The following ZNF678 variants were observed in gnomAD, a reference collection of about 807,000 sequenced individuals.
ZNF678 encodes the protein hypothetical protein MGC42493.
A neutral mutation model predicts 3.0 loss-of-function variants in ZNF678; 5 were observed. The observed-to-expected ratio is 1.69, with a 90% CI of 0.88 to 3.56. The LOEUF is 3.56. Among genes scored for constraint, ZNF678 ranks in the 30% most tolerant of loss-of-function variants. The pLI is 0.00. For missense variants in ZNF678, 593 were observed against 605.0 expected, an observed-to-expected ratio of 0.98 and a Z score of 0.21; for synonymous variants, 218 against 199.6, an observed-to-expected ratio of 1.09 and a Z score of -0.78.
chr1:227,567,718 A>AT (rs1205417741), intron 1 of ZNF678, among the ~76,000 whole-genome samples: 2 of 147,314 alleles, frequency 1.4e-5, no homozygotes, highest in African/African-American at 5.0e-5. Flanking sequence ...TTATTTTTTT[A>AT]TTTTTTTTCC....
intron 1 of ZNF678, among the ~76,000 whole-genome samples, chr1:227,630,096 A>C (rs1658514126): frequency 2.6e-5 from 4 of 152,118 alleles, no homozygotes; most frequent in Admixed American, 2.0e-4. Flanking sequence ...TCTGCAGCTG[A>C]CTGAGTGATA....
At chr1:227,651,629 A>T (rs1333565154) in intron 3 of ZNF678, among the ~76,000 whole-genome samples, 1 of 152,240 alleles carries the variant, frequency 6.6e-6, no homozygotes, top group Non-Finnish European at 1.5e-5. Flanking sequence ...AGCCAAGACC[A>T]GCGTCCTCAA....
chr1:227,667,361 C>T (rs1659520891), downstream of ZNF678, among the ~76,000 whole-genome samples: 1 of 152,138 alleles, frequency 6.6e-6, no homozygotes, highest in African/African-American at 2.4e-5. Context: ...TAAAAAAGGT[C>T]TACTCTATAT....
At chr1:227,603,817 C>G (rs55978120) in intron 1 of ZNF678, among the ~76,000 whole-genome samples, 1 of 152,168 alleles carries the variant, frequency 6.6e-6, no homozygotes, top group East Asian at 1.9e-4. Flanking sequence ...ATTAACTCCC[C>G]CAAAACTTAA....
Position 227,654,677 on chromosome 1 carries a change from CAT to C in ZNF678, c.429_430del (p.His143GlnfsTer13). ...CAATCGATGTTCAAACCTAACAAAACATAAAAGAATTCATACTGGAGAGAAAC... is the reference window on the plus strand; with the variant it reads ...CAATCGATGTTCAAACCTAACAAAACAAAAGAATTCATACTGGAGAGAAAC... ...VFNRCSNLTKHKRIHTGEKPY... is the reference protein window; with the variant it reads ...VFNRCSNLTKXKRIHTGEKPY... On this transcript the variant is annotated frameshift_variant, in exon 4 of 4. Coordinates refer to ENST00000343776, the MANE Select transcript of ZNF678 (RefSeq NM_001367909.1). LOFTEE classifies it low-confidence loss of function (END_TRUNC). The C allele has an allele frequency of 6.2e-7, 1 of 1,613,128 alleles. No individual in the cohort carries two copies. Among genetic ancestry groups the C allele is most frequent in the Middle Eastern group, 1.7e-4 (1 of 6,058 alleles).
At chr1:227,591,393 A>T (rs891341786) in intron 1 of ZNF678, among the ~76,000 whole-genome samples, 4 of 152,176 alleles carry the variant, frequency 2.6e-5, no homozygotes, top group Admixed American at 2.6e-4. Flanking sequence ...AAGTAGCCTA[A>T]ATGACACAAG....
At chr1:227,563,803 C>A (rs917828057) in intron 1 of ZNF678, 79 bp downstream of exon 1, 1 of 1,249,752 alleles carries the variant, frequency 8.0e-7, no homozygotes, top group African/African-American at 1.5e-5. Flanking sequence ...GCCCGGAGTC[C>A]CGGCTGGCAC....
intron 1 of ZNF678, among the ~76,000 whole-genome samples, chr1:227,643,353 C>G (rs563162081): frequency 1.8e-4 from 28 of 152,296 alleles, no homozygotes; most frequent in African/African-American, 6.0e-4. Context: ...TAATTGAAAT[C>G]ACACAAACTG....
intron 1 of ZNF678, among the ~76,000 whole-genome samples, chr1:227,608,497 CAT>C (rs1388365605): frequency 2.6e-5 from 4 of 152,032 alleles, no homozygotes; most frequent in South Asian, 2.1e-4. Context: ...TTCTTAAACA[CAT>C]AAAATTATTT....
intron 1 of ZNF678, among the ~76,000 whole-genome samples, chr1:227,611,518 A>G (rs1433308254): frequency 3.3e-5 from 5 of 152,184 alleles, no homozygotes; most frequent in Non-Finnish European, 7.3e-5. Flanking sequence ...TCTAAGATGC[A>G]TTTATCAGGC....
At position 227,638,694 on chromosome 1, in the gene ZNF678, G is replaced by T. The variant is rs1157780091; in HGVS notation, c.-163-7850G>T. The stretch of plus-strand genomic sequence containing the variant: ...GTACTATGGGAAATGTGGAAGTAGG[G>T]AGTAATGTGGAGTTTTGAAAGGATG... On this transcript the variant is annotated intron_variant, in intron 1 of 3. Coordinates refer to ENST00000343776, the MANE Select transcript of ZNF678 (RefSeq NM_001367909.1). The surrounding 1 kb of genome is among the most constrained non-coding windows in gnomAD (Gnocchi z 4.2). Among the ~76,000 whole-genome samples, 1 of 152,122 alleles carries T rather than the reference G, an allele frequency of 6.6e-6. No individual in the cohort carries two copies. Among genetic ancestry groups the T allele is most frequent in the African/African-American group, 2.4e-5 (1 of 41,414 alleles).
chr1:227,612,276 C>G (rs1658039524), intron 1 of ZNF678, among the ~76,000 whole-genome samples: 1 of 152,146 alleles, frequency 6.6e-6, no homozygotes, highest in South Asian at 2.1e-4. Context: ...AGTGAGGGCC[C>G]TTCTTATCTC....
chr1:227,651,144 A>T (rs1250165990), intron 3 of ZNF678, 68 bp downstream of exon 3: 9 of 1,561,740 alleles, frequency 5.8e-6, no homozygotes, highest in Non-Finnish European at 7.8e-6. Context: ...TAGAGAGGGG[A>T]TATACCTGAG....
At position 227,573,784 on chromosome 1, in the gene ZNF678, A is replaced by G. The variant is rs147674314; in HGVS notation, c.-164+10060A>G. On this transcript the variant is annotated intron_variant, in intron 1 of 3. Transcript: ENST00000343776. Reference sequence around the variant, plus strand: ...ATTTCATCATCCAGGTATTAAGCCTAGTATTCATTAGTTATTTTTTCTGAT... The same window carrying G: ...ATTTCATCATCCAGGTATTAAGCCTGGTATTCATTAGTTATTTTTTCTGAT... Among the ~76,000 whole-genome samples, 5 of 146,246 alleles carry G rather than the reference A, an allele frequency of 3.4e-5. No individual in the cohort carries two copies. The East Asian group carries it at 5.9e-4, about 17-fold the overall frequency.
At position 227,637,141 on chromosome 1, in the gene ZNF678, G is replaced by A. The variant is rs79275604; in HGVS notation, c.-163-9403G>A. Reference sequence around the variant, plus strand: ...AACCAAGTAGAGGAGGCATCTGGAAGGGGTTGGTCTTAGGTTTGGAAGAGG... The same window carrying A: ...AACCAAGTAGAGGAGGCATCTGGAAAGGGTTGGTCTTAGGTTTGGAAGAGG... On this transcript the variant is annotated intron_variant, in intron 1 of 3. Coordinates refer to ENST00000343776, the MANE Select transcript of ZNF678 (RefSeq NM_001367909.1). 4.0e-3 allele frequency among the ~76,000 whole-genome samples: 616 copies of A among 152,252 alleles called. 6 individuals are homozygous for A. The highest frequency in any genetic ancestry group is 0.014 in the African/African-American group (585 of 41,540).
At chr1:227,605,832 G>A (rs1406417447) in intron 1 of ZNF678, among the ~76,000 whole-genome samples, 1 of 152,122 alleles carries the variant, frequency 6.6e-6, no homozygotes. Context: ...AATAAATATA[G>A]CCATGTTAAG....
rs929204590 is a variant in ZNF678 at position 227,659,033 on chromosome 1, A to T, written c.*3205A>T. 17 of 152,104 alleles carry T rather than the reference A, an allele frequency of 1.1e-4. No homozygotes were observed. Among genetic ancestry groups the T allele is most frequent in the Admixed American group, 6.5e-4 (10 of 15,268 alleles). The allele number at this position is 152,104 out of a possible 1,614,324, so 9.4% of individuals were successfully genotyped here. A position where few individuals can be genotyped will look rare whatever the true frequency, so the allele number is the denominator to read the frequency against. ...TTAAATTTAGTTTTTTATAAATTAC[A>T]TATAGCACAATTTATGTGTACATGT... On this transcript the variant is annotated 3_prime_UTR_variant, in exon 4 of 4. Coordinates refer to ENST00000343776, the MANE Select transcript of ZNF678 (RefSeq NM_001367909.1).
At chr1:227,571,272 A>G (rs991525169) in intron 1 of ZNF678, among the ~76,000 whole-genome samples, 6 of 152,232 alleles carry the variant, frequency 3.9e-5, no homozygotes, top group South Asian at 2.1e-4. Context: ...CCTGGTCTTC[A>G]TAGATGCACA....
At chr1:227,589,167 T>C (rs1412333784) in intron 1 of ZNF678, among the ~76,000 whole-genome samples, 1 of 151,836 alleles carries the variant, frequency 6.6e-6, no homozygotes, top group African/African-American at 2.4e-5. Flanking sequence ...TGCCAATTTT[T>C]GCTTTTGTTG....
Sources: allele counts gnomAD v4.1 joint callset (sites outside exome capture counted in the v4.1 genomes callset), GRCh38; gene constraint gnomAD v4.1.1; non-coding constraint Gnocchi (gnomAD v3.1); transcripts MANE v1.5; gene names NCBI Gene and HGNC (gene_info 2026-07-23, HGNC 2026-07-21).